CDK6: variants seen among roughly 807,000 people sequenced by gnomAD.
CDK6 encodes cyclin-dependent kinase 6.
A neutral mutation model predicts 37.1 loss-of-function variants in CDK6; 6 were observed. The ratio of observed to expected loss-of-function variants is 0.16; its 90% CI spans 0.09 to 0.32. CDK6 has a LOEUF of 0.32. Ranked by LOEUF, CDK6 falls within the 10% of genes least tolerant of loss-of-function variation. CDK6 has a pLI of 1.00. For missense variants in CDK6, 224 were observed against 418.9 expected, an observed-to-expected ratio of 0.53 and a Z score of 4.06; for synonymous variants, 160 against 161.3, an observed-to-expected ratio of 0.99 and a Z score of 0.06.
chr7:92,611,036 C>A lies in CDK6; in HGVS notation c.*4104G>T, dbSNP rs1265825228. 1 of 226,062 alleles carries A rather than the reference C, an allele frequency of 4.4e-6. No individual in the cohort carries two copies. The highest frequency in any genetic ancestry group is 6.4e-5 in the East Asian group (1 of 15,504). 14.0% of individuals were successfully genotyped at this position (226,062 alleles called of 1,614,324 possible). A position where few individuals can be genotyped will look rare whatever the true frequency, so the allele number is the denominator to read the frequency against. On this transcript the variant is annotated 3_prime_UTR_variant, in exon 8 of 8. Coordinates refer to ENST00000424848, the MANE Select transcript of CDK6 (RefSeq NM_001145306.2). ...ATTAATCCCACAGTTACCAGATGAC[C>A]TTAGTATAAATTTTTACAATATATT...
chr7:92,811,633 C>T (rs905398830), intron 2 of CDK6, among the ~76,000 whole-genome samples: 3 of 151,844 alleles, frequency 2.0e-5, no homozygotes, highest in African/African-American at 7.3e-5. Flanking sequence ...GCCCTTGCAA[C>T]TACTACCTGA....
chr7:92,806,634 A>G (rs562561574), intron 2 of CDK6, among the ~76,000 whole-genome samples: 1 of 152,318 alleles, frequency 6.6e-6, no homozygotes, highest in East Asian at 1.9e-4. Context: ...ATGTCTGTGT[A>G]ACCAGATGAC....
chr7:92,642,682 G>A (rs1796338727), intron 5 of CDK6, among the ~76,000 whole-genome samples: 1 of 152,072 alleles, frequency 6.6e-6, no homozygotes, highest in African/African-American at 2.4e-5. Flanking sequence ...TCAGATCAAT[G>A]CTATGTGGGG....
Position 92,648,307 on chromosome 7 carries a change from C to A in CDK6, c.647+23119G>T, listed in dbSNP as rs548228971. Among the ~76,000 whole-genome samples, 6 of 152,126 alleles carry A rather than the reference C, an allele frequency of 3.9e-5. No homozygotes were observed. In the South Asian group the frequency reaches 1.0e-3, roughly 26 times the overall value. On this transcript the variant is annotated intron_variant, in intron 5 of 7. Transcript: ENST00000424848. Reference sequence around the variant, plus strand: ...AAACTGTGGTAGACTAATTTGTTAACCTGCAAATAGGGGAAAAATCTCACA... The same window carrying A: ...AAACTGTGGTAGACTAATTTGTTAAACTGCAAATAGGGGAAAAATCTCACA...
intron 4 of CDK6, among the ~76,000 whole-genome samples, chr7:92,719,002 T>G (rs73406759): frequency 0.11 from 17,070 of 152,226 alleles, 1,129 homozygotes; most frequent in South Asian, 0.22. Flanking sequence ...TCATTGATTT[T>G]CTCCCCTAGG....
At chr7:92,698,442 GC>G (rs933374457) in intron 4 of CDK6, among the ~76,000 whole-genome samples, 12 of 152,020 alleles carry the variant, frequency 7.9e-5, no homozygotes, top group Non-Finnish European at 1.5e-4. Flanking sequence ...AATTTTTTGT[GC>G]TTTTTTTTCC....
intron 5 of CDK6, among the ~76,000 whole-genome samples, chr7:92,633,330 T>C (rs2116517534): frequency 6.6e-6 from 1 of 152,232 alleles, no homozygotes; most frequent in African/African-American, 2.4e-5. Flanking sequence ...TCCTCAGAAA[T>C]TTCACAGACA....
intron 2 of CDK6, among the ~76,000 whole-genome samples, chr7:92,829,254 GTTTTT>G (rs764935388): frequency 2.9e-4 from 44 of 152,010 alleles, no homozygotes; most frequent in Admixed American, 5.2e-4. Flanking sequence ...TTTTCTTTGG[GTTTTT>G]TGTTTTGTTT....
intron 3 of CDK6, among the ~76,000 whole-genome samples, chr7:92,764,679 C>A (rs1037875598): frequency 6.6e-6 from 1 of 152,182 alleles, no homozygotes; most frequent in Non-Finnish European, 1.5e-5. Flanking sequence ...ACTGAAGACA[C>A]CAGATTCTCA....
Position 92,607,822 on chromosome 7 carries a change from T to G in CDK6, c.*7318A>C, listed in dbSNP as rs1795462382. 4.3e-6 allele frequency: 1 copy of G among 232,974 alleles called. No individual in the cohort carries two copies. Among genetic ancestry groups the G allele is most frequent in the African/African-American group, 2.2e-5 (1 of 45,274 alleles). 14.4% of individuals were successfully genotyped at this position (232,974 alleles called of 1,614,324 possible). A position where few individuals can be genotyped will look rare whatever the true frequency, so the allele number is the denominator to read the frequency against. ...TTACTACAGGTAATAGGAAAACAAA[T>G]GAATAAAAAGTGAGGAACTATGATA... is the stretch of plus-strand genomic sequence containing the variant. On this transcript the variant is annotated 3_prime_UTR_variant, in exon 8 of 8. Coordinates refer to ENST00000424848, the MANE Select transcript of CDK6 (RefSeq NM_001145306.2).
chr7:92,807,549 A>G (rs776755584), intron 2 of CDK6, among the ~76,000 whole-genome samples: 33 of 151,796 alleles, frequency 2.2e-4, no homozygotes, highest in South Asian at 8.3e-4. Context: ...ATATAGATAT[A>G]TATCAATATA....
chr7:92,809,749 AAAAAC>A (rs1800824035), intron 2 of CDK6, among the ~76,000 whole-genome samples: 1 of 152,236 alleles, frequency 6.6e-6, no homozygotes, highest in Admixed American at 6.5e-5. Context: ...TTAACTAATT[AAAAAC>A]AGAAAGGAAA....
At chr7:92,636,505 A>C (rs1796173182) in intron 5 of CDK6, among the ~76,000 whole-genome samples, 1 of 152,062 alleles carries the variant, frequency 6.6e-6, no homozygotes, top group Non-Finnish European at 1.5e-5. Context: ...GAGAGGTACA[A>C]CTCTCTGTCA....
intron 3 of CDK6, among the ~76,000 whole-genome samples, chr7:92,762,563 A>T (rs1799482325): frequency 6.6e-6 from 1 of 151,838 alleles, no homozygotes; most frequent in African/African-American, 2.4e-5. Flanking sequence ...CCGTATTCAT[A>T]GAACACCTTT....
chr7:92,656,180 G>A (rs553645071), intron 5 of CDK6, among the ~76,000 whole-genome samples: 3 of 151,962 alleles, frequency 2.0e-5, no homozygotes, highest in South Asian at 4.2e-4. Context: ...GAAGGGAGGG[G>A]ATAAAAGAAG....
chr7:92,718,239 G>T (rs1193939803), intron 4 of CDK6, among the ~76,000 whole-genome samples: 3 of 152,184 alleles, frequency 2.0e-5, no homozygotes, highest in Non-Finnish European at 4.4e-5. Flanking sequence ...TGTTGAGAGG[G>T]GAAGGAGTCA....
intron 6 of CDK6, among the ~76,000 whole-genome samples, chr7:92,618,500 T>C (rs1338588038): frequency 6.6e-6 from 1 of 152,164 alleles, no homozygotes; most frequent in African/African-American, 2.4e-5. Context: ...AGAAAATATA[T>C]TACCAGGCAG....
At chr7:92,819,188 AT>A (rs1463869426) in intron 2 of CDK6, among the ~76,000 whole-genome samples, 2 of 152,250 alleles carry the variant, frequency 1.3e-5, no homozygotes, top group East Asian at 3.9e-4. Context: ...AGGTGAATGA[AT>A]AAACAAATTG....
At chr7:92,685,191 T>C (rs1797420671) in intron 4 of CDK6, among the ~76,000 whole-genome samples, 1 of 152,250 alleles carries the variant, frequency 6.6e-6, no homozygotes, top group African/African-American at 2.4e-5. Context: ...TTGCTCTTAA[T>C]GAGCCACAAT....
Sources: allele counts gnomAD v4.1 joint callset (sites outside exome capture counted in the v4.1 genomes callset), GRCh38; gene constraint gnomAD v4.1.1; transcripts MANE v1.5; gene names NCBI Gene and HGNC (gene_info 2026-07-23, HGNC 2026-07-21).